The following DENND5B variants were observed in gnomAD, a reference collection of about 807,000 sequenced individuals.
DENND5B encodes the protein DENN domain containing 5B, also known as DENN domain-containing protein 5B.
In DENND5B, 34 loss-of-function variants were observed where a neutral mutation model predicts 140.6. That is an observed-to-expected ratio of 0.24 (90% CI 0.18 to 0.32). The LOEUF (loss-of-function observed/expected upper bound fraction) is 0.32, where lower values mean the gene tolerates loss of function less well. Among genes scored for constraint, DENND5B ranks in the 10% least tolerant of loss-of-function variants. The pLI is 1.00. For missense variants in DENND5B, 1,142 were observed against 1,560.2 expected (o/e 0.73, Z 4.52); for synonymous variants, 551 against 562.1 (o/e 0.98, Z 0.28).
intron 3 of DENND5B, among the ~76,000 whole-genome samples, chr12:31,464,227 T>C (rs1014691406): frequency 2.6e-5 from 4 of 152,166 alleles, no homozygotes; most frequent in Non-Finnish European, 5.9e-5. Context: ...CATCACTCCA[T>C]ATGCAGTAAG....
intron 15 of DENND5B, among the ~76,000 whole-genome samples, chr12:31,401,150 G>A (rs146109300): frequency 1.3e-5 from 2 of 152,218 alleles, no homozygotes; most frequent in East Asian, 1.9e-4. Flanking sequence ...CCAGAGCTAC[G>A]AGTTCTTAAA....
chr12:31,446,788 G>A (rs150522042), intron 6 of DENND5B, among the ~76,000 whole-genome samples: 67 of 151,702 alleles, frequency 4.4e-4, no homozygotes, highest in African/African-American at 1.4e-3. Context: ...CCAGCTACTC[G>A]GGGCAGGAGA....
At chr12:31,516,278 C>G (rs1490939127) in intron 1 of DENND5B, among the ~76,000 whole-genome samples, 5 of 151,958 alleles carry the variant, frequency 3.3e-5, no homozygotes, top group Non-Finnish European at 5.9e-5. Flanking sequence ...GAGTTTGAGA[C>G]CAGCCTGGGC....
intron 14 of DENND5B, among the ~76,000 whole-genome samples, chr12:31,407,560 CCA>C (rs1327008510): frequency 6.6e-6 from 1 of 152,176 alleles, no homozygotes; most frequent in African/African-American, 2.4e-5. Context: ...TCTTCCGTTA[CCA>C]GAGACTGGAA....
intron 3 of DENND5B, among the ~76,000 whole-genome samples, chr12:31,462,959 A>G (rs932854612): frequency 2.7e-5 from 4 of 149,342 alleles, no homozygotes; most frequent in Non-Finnish European, 5.9e-5. Context: ...TCCGTCTCAG[A>G]AAAAAAAACA....
intron 3 of DENND5B, among the ~76,000 whole-genome samples, chr12:31,478,892 G>A (rs1945941671): frequency 6.6e-6 from 1 of 152,008 alleles, no homozygotes; most frequent in African/African-American, 2.4e-5. Context: ...AAATGTACTG[G>A]TAAAATAAAA....
intron 7 of DENND5B, among the ~76,000 whole-genome samples, chr12:31,441,555 C>T (rs529785449): frequency 6.6e-6 from 1 of 151,734 alleles, no homozygotes; most frequent in South Asian, 2.1e-4. Flanking sequence ...GATCATAGGT[C>T]ACTGCAACCT....
intron 1 of DENND5B, among the ~76,000 whole-genome samples, chr12:31,572,794 T>C (rs1949872008): frequency 6.6e-6 from 1 of 152,228 alleles, no homozygotes; most frequent in Non-Finnish European, 1.5e-5. Flanking sequence ...AAATAGGGAA[T>C]AAACAGTTGA....
intron 1 of DENND5B, among the ~76,000 whole-genome samples, chr12:31,509,182 C>T (rs576024807): frequency 6.6e-6 from 1 of 152,074 alleles, no homozygotes; most frequent in African/African-American, 2.4e-5. Context: ...CCAAGAATCT[C>T]CACTTGCTGT....
intron 1 of DENND5B, among the ~76,000 whole-genome samples, chr12:31,525,333 T>C (rs993961033): frequency 2.6e-5 from 4 of 152,180 alleles, no homozygotes; most frequent in African/African-American, 9.7e-5. Context: ...TATACTTCTA[T>C]AAAATAGAAT....
At chr12:31,472,908 T>A (rs1019119339) in intron 3 of DENND5B, among the ~76,000 whole-genome samples, 1 of 152,082 alleles carries the variant, frequency 6.6e-6, no homozygotes, top group African/African-American at 2.4e-5. Flanking sequence ...TTTGAGAGCC[T>A]TATATGCTGT....
chr12:31,443,358 AGCCACCAC>A (rs1250937379), intron 6 of DENND5B, among the ~76,000 whole-genome samples: 2 of 152,200 alleles, frequency 1.3e-5, no homozygotes, highest in East Asian at 3.8e-4. Context: ...TATAAGCGTG[AGCCACCAC>A]GCCCGGTCTT....
intron 10 of DENND5B, 111 bp from the exon 11 acceptor site, chr12:31,423,786 C>A: frequency 1.0e-6 from 1 of 986,188 alleles, no homozygotes; most frequent in Non-Finnish European, 1.6e-6. Context: ...GTGACCCAAG[C>A]TCACTCATTC....
intron 1 of DENND5B, among the ~76,000 whole-genome samples, chr12:31,580,291 A>C (rs1442765640): frequency 6.6e-6 from 1 of 152,098 alleles, no homozygotes; most frequent in African/African-American, 2.4e-5. Context: ...AAAAATGGTT[A>C]ATTTTATTTA....
chr12:31,462,676 C>T (rs1000264193), intron 3 of DENND5B, among the ~76,000 whole-genome samples: 2 of 151,984 alleles, frequency 1.3e-5, no homozygotes, highest in African/African-American at 2.4e-5. Flanking sequence ...AAAAAAAGGC[C>T]GGGCAGGCAC....
intron 20 of DENND5B, 38 bp from the exon 21 acceptor site, chr12:31,387,824 G>A (rs758078175): frequency 6.3e-7 from 1 of 1,590,378 alleles, no homozygotes; most frequent in Non-Finnish European, 8.6e-7. Flanking sequence ...GAGCATTGCT[G>A]GCCTCGCTGC....
chr12:31,408,867 T>C (rs1942280492), intron 14 of DENND5B, among the ~76,000 whole-genome samples: 1 of 152,196 alleles, frequency 6.6e-6, no homozygotes. Context: ...GCATGGACAA[T>C]GCTGCTCCTG....
intron 14 of DENND5B, among the ~76,000 whole-genome samples, chr12:31,403,122 A>G (rs937021470): frequency 6.6e-6 from 1 of 152,222 alleles, no homozygotes; most frequent in Non-Finnish European, 1.5e-5. Flanking sequence ...GCTTTAAAGC[A>G]CTGCATTTCA....
chr12:31,428,893 G>A (rs1245579239), intron 8 of DENND5B, among the ~76,000 whole-genome samples: 8 of 152,082 alleles, frequency 5.3e-5, no homozygotes, highest in African/African-American at 1.4e-4. Flanking sequence ...CACCACACCC[G>A]GCTATTTTTT....
Sources: allele counts gnomAD v4.1 joint callset (sites outside exome capture counted in the v4.1 genomes callset), GRCh38; gene constraint gnomAD v4.1.1; transcripts MANE v1.5; gene names NCBI Gene and HGNC (gene_info 2026-07-23, HGNC 2026-07-21).